The following KMT2C variants were observed in gnomAD, a reference collection of about 807,000 sequenced individuals.
The protein encoded by KMT2C is lysine methyltransferase 2C, also known as histone-lysine N-methyltransferase 2C.
Under a neutral mutation model 507.9 loss-of-function variants are expected in KMT2C, and 88 were observed. The ratio of observed to expected loss-of-function variants is 0.17; its 90% confidence interval spans 0.15 to 0.21. The LOEUF (loss-of-function observed/expected upper bound fraction) is 0.21. KMT2C is among the 10% of genes least tolerant of loss of function. The probability of loss-of-function intolerance (pLI) is 1.00; values close to 1 mark genes in which losing one functional copy is unlikely to be tolerated. For missense variants in KMT2C, 4,954 were observed against 5,957.8 expected, an observed-to-expected ratio of 0.83 and a Z score of 5.55; for synonymous variants, 2,049 against 2,080.8, an observed-to-expected ratio of 0.98 and a Z score of 0.42.
Position 152,163,120 on chromosome 7 carries a change from T to C in KMT2C, c.10457A>G (p.Gln3486Arg), listed in dbSNP as rs553394405. ...QQQMGQVLQQQNIQQGSINSP... is the reference protein window; with the variant it reads ...QQQMGQVLQQRNIQQGSINSP... ...ATTAATTGATCCTTGTTGTATATTC[T>C]GCTGCTGTAAAACCTGCCCCATTTG... is the stretch of plus-strand genomic sequence containing the variant. The change falls in exon 43 of 59, where the codon CAG (glutamine) becomes CGG (arginine). Residue 3486 changes from glutamine to arginine, a missense_variant. This residue lies in a region of KMT2C where 801 missense variants were observed against 751.2 expected (regional missense o/e 1.07). Transcript: ENST00000262189. The C allele has an allele frequency of 6.2e-7, 1 of 1,614,236 alleles. No homozygotes were observed. Among genetic ancestry groups the C allele is most frequent in the East Asian group, 2.2e-5 (1 of 44,880 alleles).
At chr7:152,139,834 A>T (rs2129090044) in intron 55 of KMT2C, 43 bp from the exon 56 acceptor site, 4 of 1,407,638 alleles carry the variant, frequency 2.8e-6, no homozygotes, top group Non-Finnish European at 4.0e-6. Context: ...TGTGACAACA[A>T]GTCTTTTTTC....
Position 152,182,525 on chromosome 7 carries a change from C to G in KMT2C, c.5335G>C (p.Glu1779Gln). 1 of 1,612,858 alleles carries G rather than the reference C, an allele frequency of 6.2e-7. No individual in the cohort carries two copies. The highest frequency in any genetic ancestry group is 8.5e-7 in the Non-Finnish European group (1 of 1,179,392). The change falls in exon 36 of 59, where the codon GAG (glutamate) becomes CAG (glutamine). Residue 1779 changes from glutamate (E) to glutamine (Q), a missense_variant. Glu to Gln is a conservative substitution (Grantham distance 29). Coordinates refer to ENST00000262189, the MANE Select transcript of KMT2C (RefSeq NM_170606.3). ...ATQKLEQVKN[E>Q]QQQQQQQQFG... ...TGCTGTTGTTGCTGCTGCTGCTGCT[C>G]ATTTTTCACCTGTTCAAGTTTCTGT... is the stretch of plus-strand genomic sequence containing the variant.
chr7:152,389,390 C>T (rs1333681474), intron 1 of KMT2C, among the ~76,000 whole-genome samples: 1 of 150,780 alleles, frequency 6.6e-6, no homozygotes, highest in Non-Finnish European at 1.5e-5. Context: ...ACTTACGTCA[C>T]TCAGTTTGTG....
At chr7:152,395,619 T>C (rs1216465772) in intron 1 of KMT2C, among the ~76,000 whole-genome samples, 1 of 152,124 alleles carries the variant, frequency 6.6e-6, no homozygotes, top group Admixed American at 6.6e-5. Flanking sequence ...GTGATTCTCC[T>C]GCTTCAGCCT....
intron 1 of KMT2C, among the ~76,000 whole-genome samples, chr7:152,358,937 C>T (rs2097173829): frequency 1.3e-5 from 2 of 152,092 alleles, no homozygotes; most frequent in African/African-American, 4.8e-5. Flanking sequence ...TTAAGTATTC[C>T]TCACTCTGGT....
In KMT2C at chr7:152,350,507, C is replaced by T. The variant is rs566173770; in HGVS notation, c.250+8080G>A. ...TACTCTAGGCTACAAACCTGTACAG[C>T]ATGTTACTGTACGCAACTATAACAC... On this transcript the variant is annotated intron_variant, in intron 2 of 58. Transcript: ENST00000262189. Among the ~76,000 whole-genome samples, 13 of 152,252 alleles carry T rather than the reference C, an allele frequency of 8.5e-5. No individual in the cohort carries two copies. In the South Asian group the frequency reaches 2.5e-3, roughly 29 times the overall value.
chr7:152,153,236 A>C (rs1433086035), intron 48 of KMT2C, among the ~76,000 whole-genome samples: 1 of 152,234 alleles, frequency 6.6e-6, no homozygotes, highest in Non-Finnish European at 1.5e-5. Context: ...AACATCTGAC[A>C]GACCCCGTCA....
intron 6 of KMT2C, among the ~76,000 whole-genome samples, chr7:152,303,670 G>A (rs1457066386): frequency 5.6e-5 from 8 of 143,956 alleles, no homozygotes; most frequent in African/African-American, 8.9e-5. Flanking sequence ...ACAAACAAAC[G>A]CTGCAGATGT....
chr7:152,193,108 C>T (rs1360737379), intron 31 of KMT2C, among the ~76,000 whole-genome samples: 2 of 152,098 alleles, frequency 1.3e-5, no homozygotes, highest in African/African-American at 2.4e-5. Flanking sequence ...CCCAGGAGAT[C>T]GCAGCTGACG....
rs28409989 is a variant in KMT2C at position 152,423,039 on chromosome 7, G to T, written c.161+12587C>A. The stretch of plus-strand genomic sequence containing the variant: ...TCTCAAAAAAAAAAAAAGAAAAAAA[G>T]AAAAAAAAACTACATTCCCAGCCGG... On this transcript the variant is annotated intron_variant, in intron 1 of 58. Transcript: ENST00000262189. Among the ~76,000 whole-genome samples, 16 of 147,108 alleles carry T rather than the reference G, an allele frequency of 1.1e-4. No individual in the cohort carries two copies. The East Asian group carries it at 2.9e-3, about 26-fold the overall frequency.
chr7:152,359,392 A>G (rs1052142528), intron 1 of KMT2C, among the ~76,000 whole-genome samples: 2 of 152,174 alleles, frequency 1.3e-5, no homozygotes, highest in Non-Finnish European at 2.9e-5. Flanking sequence ...GCAACAAGAT[A>G]TTACACATAA....
intron 9 of KMT2C, among the ~76,000 whole-genome samples, chr7:152,261,652 G>C (rs1329352334): frequency 6.6e-6 from 1 of 152,064 alleles, no homozygotes; most frequent in Non-Finnish European, 1.5e-5. Flanking sequence ...AATAAATTTG[G>C]CTTCAGCCAA....
intron 34 of KMT2C, among the ~76,000 whole-genome samples, chr7:152,183,613 T>A (rs2093507784): frequency 6.6e-6 from 1 of 151,374 alleles, no homozygotes; most frequent in Non-Finnish European, 1.5e-5. Flanking sequence ...AATACAAAAT[T>A]AGGCCAGGCG....
Position 152,195,861 on chromosome 7 carries a change from G to A in KMT2C, c.4378+46C>T, listed in dbSNP as rs367934278. 608 of 1,070,514 alleles carry A rather than the reference G, an allele frequency of 5.7e-4. 1 individual carries two copies. Among genetic ancestry groups the A allele is most frequent in the Non-Finnish European group, 7.5e-4 (536 of 718,808 alleles). 66.3% of individuals were successfully genotyped at this position (1,070,514 alleles called of 1,614,324 possible). On this transcript the variant is annotated intron_variant, in intron 28 of 58. Coordinates refer to ENST00000262189, the MANE Select transcript of KMT2C (RefSeq NM_170606.3). ...TTGTTCCACACATCATACACCTCTC[G>A]CTCACATCAGAAACCAGAAAAAGGG...
chr7:152,139,911 C>CA, intron 55 of KMT2C, 120 bp from the exon 56 acceptor site: 1 of 700,414 alleles, frequency 1.4e-6, no homozygotes, highest in Admixed American at 2.4e-5. Flanking sequence ...CACTTGAACT[C>CA]AAATCATTTT....
At position 152,152,804 on chromosome 7, in the gene KMT2C, G is replaced by C. The variant is rs530766982; in HGVS notation, c.12427C>G (p.Leu4143Val). Residue 4143 changes from leucine (L) to valine (V), a missense_variant, in exon 49 of 59, where the codon CTT (leucine) becomes GTT (valine). By Grantham distance (32) the Leu-to-Val change is conservative (BLOSUM62 1). This residue lies in a region of KMT2C where 417 missense variants were observed against 461.1 expected (regional missense o/e 0.90). Transcript: ENST00000262189. ...NPGLEYRQHL[L>V]LRGPPPGSAN... ...GATCCTGGCGGAGGCCCACGGAGAA[G>C]TAAATGCTGTCGATACTCCAAACCC... 1.9e-6 allele frequency: 3 copies of C among 1,614,166 alleles called. No individual in the cohort carries two copies. Among genetic ancestry groups the C allele is most frequent in the Non-Finnish European group, 2.5e-6 (3 of 1,180,032 alleles).
Position 152,435,890 on chromosome 7 carries a change from G to T in KMT2C, c.-104C>A. The T allele has an allele frequency of 7.9e-7, 1 of 1,262,444 alleles. No individual in the cohort carries two copies. Among genetic ancestry groups the T allele is most frequent in the Non-Finnish European group, 1.0e-6 (1 of 957,838 alleles). 78.2% of individuals were successfully genotyped at this position (1,262,444 alleles called of 1,614,324 possible). A position where few individuals can be genotyped will look rare whatever the true frequency, so the allele number is the denominator to read the frequency against. ...CTGCTGCTCGGGTTCCTCCTCCCCG[G>T]CTCAGCCTCTCGCATTTCCCGCAGC... is the stretch of plus-strand genomic sequence containing the variant. On this transcript the variant is annotated 5_prime_UTR_variant, in exon 1 of 59. Transcript: ENST00000262189.
chr7:152,405,261 C>CTTTTTTTTTTTTTTTTTTTTTTTT (rs5888467), intron 1 of KMT2C, among the ~76,000 whole-genome samples: 1 of 151,974 alleles, frequency 6.6e-6, no homozygotes. Context: ...TTTAACTTCA[C>CTTTTTTTTTTTTTTTTTTTTTTTT]TTTTTTTTTT....
At chr7:152,151,354 G>T (rs990549727) in intron 50 of KMT2C, 88 bp downstream of exon 50, 5 of 1,357,844 alleles carry the variant, frequency 3.7e-6, no homozygotes, top group Non-Finnish European at 4.1e-6. Flanking sequence ...ACCATAAGTG[G>T]TGTCTCTCTC....
Sources: allele counts gnomAD v4.1 joint callset (sites outside exome capture counted in the v4.1 genomes callset), GRCh38; gene constraint gnomAD v4.1.1; regional missense constraint gnomAD v4.1.1; transcripts MANE v1.5; gene names NCBI Gene and HGNC (gene_info 2026-07-23, HGNC 2026-07-21).